The following ANKS1B variants were observed in gnomAD, a reference collection of about 807,000 sequenced individuals.
ANKS1B encodes ankyrin repeat and sterile alpha motif domain-containing protein 1B.
In ANKS1B, 36 loss-of-function variants were observed where a neutral mutation model predicts 148.3. That is an observed-to-expected ratio of 0.24 (90% CI 0.19 to 0.32). The LOEUF (loss-of-function observed/expected upper bound fraction) is 0.32, where lower values mean the gene tolerates loss of function less well. Ranked by LOEUF, ANKS1B falls within the 10% of genes least tolerant of loss-of-function variation. The probability of loss-of-function intolerance (pLI) is 1.00; values close to 1 mark genes in which losing one functional copy is unlikely to be tolerated. For missense variants in ANKS1B, 1,157 were observed against 1,542.6 expected (o/e 0.75, Z 4.19); for synonymous variants, 542 against 560.8 (o/e 0.97, Z 0.47).
intron 22 of ANKS1B, among the ~76,000 whole-genome samples, chr12:98,792,479 T>A (rs1294162173): frequency 6.6e-6 from 1 of 152,176 alleles, no homozygotes; most frequent in African/African-American, 2.4e-5. Context: ...TTCTAGCTAT[T>A]TTCAAGTATA....
chr12:99,435,021 A>C (rs2095436710), intron 11 of ANKS1B, among the ~76,000 whole-genome samples: 1 of 152,138 alleles, frequency 6.6e-6, no homozygotes, highest in Non-Finnish European at 1.5e-5. Context: ...AATAACAAAA[A>C]TTCTCCATAT....
At chr12:98,879,069 C>T (rs567447146) in intron 17 of ANKS1B, among the ~76,000 whole-genome samples, 2 of 152,326 alleles carry the variant, frequency 1.3e-5, no homozygotes, top group East Asian at 1.9e-4. Context: ...TCTGGGCTTG[C>T]TTCAGGCTTT....
intron 12 of ANKS1B, among the ~76,000 whole-genome samples, chr12:99,269,504 ATT>A (rs35128190): frequency 0.3 from 44,639 of 147,970 alleles, 7,892 homozygotes; most frequent in African/African-American, 0.51. Flanking sequence ...AAATAAGCAG[ATT>A]TTTTTTTTTT....
intron 17 of ANKS1B, among the ~76,000 whole-genome samples, chr12:99,001,357 A>T (rs2099932909): frequency 6.6e-6 from 1 of 151,992 alleles, no homozygotes; most frequent in African/African-American, 2.4e-5. Context: ...TCAAACTCTT[A>T]GACTGAAGCG....
intron 17 of ANKS1B, among the ~76,000 whole-genome samples, chr12:98,911,316 G>A (rs1211616774): frequency 6.6e-6 from 1 of 152,050 alleles, no homozygotes; most frequent in African/African-American, 2.4e-5. Flanking sequence ...GAGTCTTCAG[G>A]GACCTAAAGA....
At chr12:99,164,381 C>A (rs896180122) in intron 14 of ANKS1B, among the ~76,000 whole-genome samples, 10 of 151,972 alleles carry the variant, frequency 6.6e-5, no homozygotes, top group Non-Finnish European at 1.3e-4. Context: ...TTGATTTTAT[C>A]CATTCCATCT....
intron 10 of ANKS1B, among the ~76,000 whole-genome samples, chr12:99,457,670 A>C (rs533412988): frequency 1.3e-5 from 2 of 152,288 alleles, no homozygotes; most frequent in African/African-American, 2.4e-5. Flanking sequence ...GCAGCAGTTA[A>C]AAAAGACAAA....
chr12:98,805,432 A>T (rs997454470), intron 20 of ANKS1B, among the ~76,000 whole-genome samples: 2 of 152,230 alleles, frequency 1.3e-5, no homozygotes, highest in African/African-American at 4.8e-5. Flanking sequence ...CTTTGACATT[A>T]GAATTTTAAA....
chr12:98,877,649 T>C (rs557698767), intron 17 of ANKS1B, among the ~76,000 whole-genome samples: 20 of 152,334 alleles, frequency 1.3e-4, no homozygotes, highest in Admixed American at 3.9e-4. Flanking sequence ...TTTGATTTTG[T>C]TTGCTTAAGA....
chr12:99,712,705 A>G (rs902069733), intron 8 of ANKS1B, among the ~76,000 whole-genome samples: 1 of 152,200 alleles, frequency 6.6e-6, no homozygotes, highest in Non-Finnish European at 1.5e-5. Flanking sequence ...AAAAAGTACA[A>G]TGGTGGCACA....
intron 17 of ANKS1B, among the ~76,000 whole-genome samples, chr12:99,027,185 G>A (rs1410122475): frequency 6.6e-6 from 1 of 152,102 alleles, no homozygotes; most frequent in African/African-American, 2.4e-5. Context: ...TTAAAGAATG[G>A]AATCATGAGG....
At chr12:99,888,565 T>C (rs1418391696) in intron 1 of ANKS1B, among the ~76,000 whole-genome samples, 1 of 152,188 alleles carries the variant, frequency 6.6e-6, no homozygotes, top group Admixed American at 6.5e-5. Context: ...CACTTTTAAG[T>C]GCCTTACCTG....
chr12:99,391,021 A>T (rs1244215994), intron 12 of ANKS1B, among the ~76,000 whole-genome samples: 1 of 152,346 alleles, frequency 6.6e-6, no homozygotes, highest in African/African-American at 2.4e-5. Context: ...GGCCACAGGT[A>T]TACTGGAAGG....
chr12:99,041,701 C>T (rs1043213339), intron 17 of ANKS1B, among the ~76,000 whole-genome samples: 3 of 152,154 alleles, frequency 2.0e-5, no homozygotes, highest in African/African-American at 7.2e-5. Context: ...CTTCTTTTCT[C>T]TAATTAAAAC....
intron 8 of ANKS1B, among the ~76,000 whole-genome samples, chr12:99,761,281 T>C (rs1288119614): frequency 6.6e-6 from 1 of 151,394 alleles, no homozygotes; most frequent in Non-Finnish European, 1.5e-5. Context: ...CCAATATACC[T>C]GATGAACAGA....
intron 17 of ANKS1B, among the ~76,000 whole-genome samples, chr12:99,014,999 C>T (rs1192617110): frequency 6.6e-6 from 1 of 152,156 alleles, no homozygotes; most frequent in East Asian, 1.9e-4. Context: ...CCACTCAACC[C>T]AGCAATCCCA....
intron 9 of ANKS1B, among the ~76,000 whole-genome samples, chr12:99,654,209 T>C (rs923510476): frequency 6.6e-6 from 1 of 152,214 alleles, no homozygotes; most frequent in Non-Finnish European, 1.5e-5. Flanking sequence ...CAAATTATGA[T>C]ACAGACATGT....
intron 15 of ANKS1B, among the ~76,000 whole-genome samples, chr12:99,130,133 C>T (rs1036733886): frequency 6.6e-6 from 1 of 152,074 alleles, no homozygotes; most frequent in Admixed American, 6.5e-5. Flanking sequence ...TGCCATGGTA[C>T]AATGTGTTTA....
At chr12:98,880,015 T>C (rs1389864322) in intron 17 of ANKS1B, among the ~76,000 whole-genome samples, 1 of 152,182 alleles carries the variant, frequency 6.6e-6, no homozygotes, top group Non-Finnish European at 1.5e-5. Flanking sequence ...AAAGTAATGA[T>C]TAAAAAAAGT....
Sources: allele counts gnomAD v4.1 joint callset (sites outside exome capture counted in the v4.1 genomes callset), GRCh38; gene constraint gnomAD v4.1.1; transcripts MANE v1.5; gene names NCBI Gene and HGNC (gene_info 2026-07-23, HGNC 2026-07-21).